The following PCYT1B variants were observed in gnomAD, a reference collection of about 807,000 sequenced individuals.
PCYT1B encodes phosphate cytidylyltransferase 1B, choline.
A neutral mutation model predicts 26.4 loss-of-function variants in PCYT1B; 10 were observed. The observed-to-expected ratio is 0.38, with a 90% CI of 0.23 to 0.64. The LOEUF is 0.64. PCYT1B is among the 30% of genes least tolerant of loss of function. PCYT1B has a pLI of 0.56. For missense variants in PCYT1B, 161 were observed against 292.7 expected, an observed-to-expected ratio of 0.55 and a Z score of 3.28; for synonymous variants, 131 against 108.4, an observed-to-expected ratio of 1.21 and a Z score of -1.29.
intron 1 of PCYT1B, among the ~76,000 whole-genome samples, chrX:24,663,377 G>GC (rs772889572): frequency 2.0e-4 from 22 of 112,180 alleles, no homozygotes; most frequent in Non-Finnish European, 3.8e-4. Context: ...AACTACTTAT[G>GC]CCCCCTGGGG....
chrX:24,622,116 G>A (rs1006416808), intron 1 of PCYT1B, among the ~76,000 whole-genome samples: 1 of 112,062 alleles, frequency 8.9e-6, no homozygotes, highest in Non-Finnish European at 1.9e-5. Context: ...ATGGAGAAGA[G>A]CTATTTCTTG....
intron 6 of PCYT1B, among the ~76,000 whole-genome samples, chrX:24,578,438 G>T (rs931557310): frequency 9.0e-6 from 1 of 111,687 alleles, no homozygotes; most frequent in African/African-American, 3.3e-5. Flanking sequence ...GTATACCTAT[G>T]TAACAAACCT....
At chrX:24,617,430 T>G (rs1289131897) in intron 2 of PCYT1B, among the ~76,000 whole-genome samples, 1 of 94,732 alleles carries the variant, frequency 1.1e-5, no homozygotes, top group Admixed American at 1.3e-4. Flanking sequence ...TATGCCATGT[T>G]ATTTTATTTT....
At chrX:24,670,909 A>G (rs978197196) in intron 1 of PCYT1B, among the ~76,000 whole-genome samples, 4 of 111,478 alleles carry the variant, frequency 3.6e-5, no homozygotes, top group African/African-American at 1.3e-4. Flanking sequence ...TTAATTCTAC[A>G]TGACTGGAAC....
intron 2 of PCYT1B, among the ~76,000 whole-genome samples, chrX:24,613,388 C>T (rs1925369645): frequency 9.0e-6 from 1 of 111,473 alleles, no homozygotes; most frequent in Non-Finnish European, 1.9e-5. Flanking sequence ...TATCATTAGC[C>T]ATTGCTACTA....
At chrX:24,581,555 G>T (rs971167389) in intron 5 of PCYT1B, among the ~76,000 whole-genome samples, 2 of 111,971 alleles carry the variant, frequency 1.8e-5, no homozygotes, top group Non-Finnish European at 3.8e-5. Flanking sequence ...CTCAGACTAG[G>T]TCTTCTGGTG....
intron 1 of PCYT1B, among the ~76,000 whole-genome samples, chrX:24,656,252 G>A (rs1926911999): frequency 1.1e-5 from 1 of 92,760 alleles, no homozygotes; most frequent in Non-Finnish European, 2.1e-5. Flanking sequence ...TAATCAAGAA[G>A]ACAGAATGAA....
At chrX:24,636,476 G>T (rs1001337567) in intron 1 of PCYT1B, among the ~76,000 whole-genome samples, 2 of 111,851 alleles carry the variant, frequency 1.8e-5, no homozygotes, top group East Asian at 5.6e-4. Context: ...AGCTGGGTGT[G>T]GTGGCACATG....
At chrX:24,565,988 T>C (rs190934216) in intron 7 of PCYT1B, among the ~76,000 whole-genome samples, 1 of 111,729 alleles carries the variant, frequency 9.0e-6, no homozygotes, top group Non-Finnish European at 1.9e-5. Flanking sequence ...CTAGAAAAAC[T>C]GTTCAGCATC....
chrX:24,574,518 T>C (rs1447679981), intron 7 of PCYT1B, among the ~76,000 whole-genome samples: 1 of 111,686 alleles, frequency 9.0e-6, no homozygotes, highest in Non-Finnish European at 1.9e-5. Context: ...CCCCAAAGAC[T>C]GTTGTGCCTT....
chrX:24,628,524 G>A (rs1925949737), intron 1 of PCYT1B, among the ~76,000 whole-genome samples: 1 of 111,038 alleles, frequency 9.0e-6, no homozygotes, highest in South Asian at 3.8e-4. Flanking sequence ...AGTTAAGAGA[G>A]GAAAATAAAA....
chrX:24,648,039 T>A (rs1448071751), upstream of PCYT1B, among the ~76,000 whole-genome samples: 1 of 112,374 alleles, frequency 8.9e-6, no homozygotes, highest in African/African-American at 3.2e-5. Flanking sequence ...AATACACTGT[T>A]CCATGCACTG....
chrX:24,563,236 G>C (rs1923497248), intron 7 of PCYT1B, among the ~76,000 whole-genome samples: 1 of 111,897 alleles, frequency 8.9e-6, no homozygotes, highest in South Asian at 3.8e-4. Flanking sequence ...TCTGTGGTCT[G>C]TGAGAAAAAG....
At position 24,607,839 on chromosome X, in the gene PCYT1B, G is replaced by A. The variant is rs757568756; in HGVS notation, c.240C>T (p.Tyr80=). 5.1e-6 allele frequency: 6 copies of A among 1,178,367 alleles called. No homozygotes were observed. The highest frequency in any genetic ancestry group is 3.0e-5 in the East Asian group (1 of 33,484). ...GGAAGAGGTCAAATATTCCATCGGC[G>A]TATACTCTGACAGGCCTGTCAGCTG... The part of the protein sequence containing the change: ...GTPADRPVRV[Y]ADGIFDLFHS... Residue 80 remains tyrosine, a synonymous_variant, in exon 3 of 8, where the codon TAC becomes TAT. Transcript: ENST00000379144.
chrX:24,584,838 C>A (rs1924318174), intron 5 of PCYT1B, among the ~76,000 whole-genome samples: 2 of 111,497 alleles, frequency 1.8e-5, no homozygotes, highest in Admixed American at 1.9e-4. Context: ...CCTTCAACTT[C>A]TAAAACAGGC....
chrX:24,561,975 G>A lies in PCYT1B; in HGVS notation c.*318C>T. 5.3e-6 allele frequency: 4 copies of A among 761,059 alleles called. No homozygotes were observed. Among genetic ancestry groups the A allele is most frequent in the South Asian group, 2.3e-5 (1 of 42,741 alleles). The allele number at this position is 761,059 out of a possible 1,213,427, so 62.7% of individuals were successfully genotyped here. A position where few individuals can be genotyped will look rare whatever the true frequency, so the allele number is the denominator to read the frequency against. ...GTTTACTTGGTGGGGGTGGTGGAAG[G>A]ACCAAAGCAGAAGTCACCCCATCAG... On this transcript the variant is annotated 3_prime_UTR_variant, in exon 8 of 8. Coordinates refer to ENST00000379144, the MANE Select transcript of PCYT1B (RefSeq NM_004845.5).
At chrX:24,670,805 T>C (rs766391660) in intron 1 of PCYT1B, among the ~76,000 whole-genome samples, 3 of 111,514 alleles carry the variant, frequency 2.7e-5, no homozygotes, top group Non-Finnish European at 3.8e-5. Context: ...ATAATAATGA[T>C]AAGTGATACA....
Position 24,647,265 on chromosome X carries a change from C to T in PCYT1B, c.-160G>A. 1 of 953,217 alleles carries T rather than the reference C, an allele frequency of 1.0e-6. No individual in the cohort carries two copies. The highest frequency in any genetic ancestry group is 4.0e-5 in the East Asian group (1 of 25,056). The allele number at this position is 953,217 out of a possible 1,213,427, so 78.6% of individuals were successfully genotyped here. A position where few individuals can be genotyped will look rare whatever the true frequency, so the allele number is the denominator to read the frequency against. ...TTCCCTAGGGGAAGTAAAGAGGTTA[C>T]CCCCCGCCCCTCTCTCTCTCTCTCT... On this transcript the variant is annotated 5_prime_UTR_variant, in exon 1 of 8. Coordinates refer to ENST00000379144, the MANE Select transcript of PCYT1B (RefSeq NM_004845.5).
upstream of PCYT1B, among the ~76,000 whole-genome samples, chrX:24,648,907 C>T (rs769119653): frequency 6.3e-5 from 7 of 111,502 alleles, no homozygotes; most frequent in Non-Finnish European, 9.4e-5. Flanking sequence ...TGAATTAGAA[C>T]GTGCTATGCT....
Sources: gnomAD v4.1 joint callset for allele counts (sites outside exome capture counted in the v4.1 genomes callset) on GRCh38, gnomAD v4.1.1 for gene constraint, MANE v1.5 for transcripts, NCBI Gene and HGNC (gene_info 2026-07-23, HGNC 2026-07-21) for gene names.